The following PRKCH variants were observed in gnomAD, a reference collection of about 807,000 sequenced individuals.
The protein encoded by PRKCH is protein kinase C eta type.
PRKCH carries 28 observed loss-of-function variants against 82.5 expected under a neutral mutation model. The ratio of observed to expected loss-of-function variants is 0.34; its 90% CI spans 0.25 to 0.47. The LOEUF is 0.47. Ranked by LOEUF, PRKCH falls within the 20% of genes least tolerant of loss-of-function variation. The pLI is 1.00. For synonymous variants in PRKCH, 322 were observed against 327.4 expected, an observed-to-expected ratio of 0.98 and a Z score of 0.18; for missense variants, 705 against 881.8, an observed-to-expected ratio of 0.80 and a Z score of 2.54.
chr14:61,486,438 A>G (rs911863791), intron 10 of PRKCH, among the ~76,000 whole-genome samples: 1 of 152,186 alleles, frequency 6.6e-6, no homozygotes, highest in Non-Finnish European at 1.5e-5. Flanking sequence ...TCTTTTGATC[A>G]TAATATACCA....
At position 61,242,285 on chromosome 14, in the gene PRKCH, C is replaced by T. The variant is rs919922181; in HGVS notation, c.-19+54617C>T. The stretch of plus-strand genomic sequence containing the variant: ...TGGTCATACCTTAACTCAAAACTCT[C>T]CCCCAGTGACATCAGTTTGGAACAC... On this transcript the variant is annotated intron_variant, in intron 1 of 3. Transcript: ENST00000555185. 1.7e-4 allele frequency among the ~76,000 whole-genome samples: 26 copies of T among 152,266 alleles called. 1 individual carries two copies. Among genetic ancestry groups the T allele is most frequent in the African/African-American group, 6.0e-4 (25 of 41,542 alleles).
At chr14:61,226,131 G>A (rs767726259) in intron 1 of PRKCH, among the ~76,000 whole-genome samples, 4 of 152,124 alleles carry the variant, frequency 2.6e-5, no homozygotes, top group African/African-American at 9.7e-5. Flanking sequence ...AGTCTTAACC[G>A]TAGGCAAATC....
chr14:61,350,436 A>T (rs1341060536), intron 1 of PRKCH, among the ~76,000 whole-genome samples: 1 of 152,146 alleles, frequency 6.6e-6, no homozygotes, highest in Admixed American at 6.5e-5. Context: ...GAAAATAAGA[A>T]TTACTTTTCT....
At chr14:61,511,896 G>A (rs1346866400) in intron 10 of PRKCH, among the ~76,000 whole-genome samples, 1 of 152,166 alleles carries the variant, frequency 6.6e-6, no homozygotes, top group Non-Finnish European at 1.5e-5. Context: ...GTGTGGAAAG[G>A]CTGTAAAACT....
At chr14:61,528,705 C>T (rs2256474) in intron 10 of PRKCH, 152,935 of 155,580 alleles carry the variant, frequency 0.98, 75,220 homozygotes, top group East Asian at 1. Flanking sequence ...ATTCTGACTC[C>T]GATGGGTAGA....
intron 1 of PRKCH, among the ~76,000 whole-genome samples, chr14:61,239,997 C>T (rs2044822308): frequency 6.6e-6 from 1 of 152,136 alleles, no homozygotes; most frequent in Non-Finnish European, 1.5e-5. Flanking sequence ...TTTATGCATC[C>T]AGCAAACCAA....
intron 10 of PRKCH, among the ~76,000 whole-genome samples, chr14:61,503,800 A>AG (rs1255254344): frequency 1.3e-5 from 2 of 152,158 alleles, no homozygotes; most frequent in East Asian, 3.8e-4. Context: ...AAAAAGAAAG[A>AG]GGTAGAGTCG....
At chr14:61,200,531 C>G (rs572661258) in intron 1 of PRKCH, among the ~76,000 whole-genome samples, 2 of 152,290 alleles carry the variant, frequency 1.3e-5, no homozygotes, top group South Asian at 4.1e-4. Context: ...AGGATTCTAT[C>G]TCTTTCCATT....
chr14:61,319,387 CCTT>C (rs2045589331), upstream of PRKCH, among the ~76,000 whole-genome samples: 1 of 152,106 alleles, frequency 6.6e-6, no homozygotes, highest in African/African-American at 2.4e-5. Flanking sequence ...TGTTTTTCCT[CCTT>C]GTGGGACTGT....
At chr14:61,450,172 A>G (rs1884436721) in intron 5 of PRKCH, among the ~76,000 whole-genome samples, 1 of 152,188 alleles carries the variant, frequency 6.6e-6, no homozygotes, top group Admixed American at 6.5e-5. Flanking sequence ...AAGTTTCAAG[A>G]GGAGTAATGA....
intron 1 of PRKCH, among the ~76,000 whole-genome samples, chr14:61,210,226 A>C (rs892267854): frequency 1.4e-5 from 2 of 147,792 alleles, no homozygotes; most frequent in Non-Finnish European, 3.0e-5. Flanking sequence ...AGGCAGGAGA[A>C]CTGCTTGAAC....
intron 1 of PRKCH, among the ~76,000 whole-genome samples, chr14:61,190,429 T>A (rs2044399354): frequency 6.6e-6 from 1 of 152,206 alleles, no homozygotes; most frequent in African/African-American, 2.4e-5. Flanking sequence ...CCTCTACTCA[T>A]GCCCTATTTA....
intron 2 of PRKCH, among the ~76,000 whole-genome samples, chr14:61,437,598 G>C (rs1883737439): frequency 6.6e-6 from 1 of 152,110 alleles, no homozygotes; most frequent in Non-Finnish European, 1.5e-5. Context: ...GTTAGTTTCT[G>C]TTTCCTCACT....
chr14:61,510,157 G>T lies in PRKCH; in HGVS notation c.1434-18918G>T, dbSNP rs138375158. ...AGAGCCTGGGAAGGAGCAGGGCAGA[G>T]CTGGCAGCTGAGGTAGATGGGGGTG... On this transcript the variant is annotated intron_variant, in intron 10 of 13. Coordinates refer to ENST00000332981, the MANE Select transcript of PRKCH (RefSeq NM_006255.5). Among the ~76,000 whole-genome samples the T allele has an allele frequency of 1.2e-3, 184 of 152,284 alleles. 1 individual carries two copies. The highest frequency in any genetic ancestry group is 4.3e-3 in the African/African-American group (179 of 41,528).
At chr14:61,528,935 G>A (rs543073194) in intron 10 of PRKCH, 140 bp from the exon 11 acceptor site, 19 of 775,296 alleles carry the variant, frequency 2.5e-5, no homozygotes, top group East Asian at 6.1e-5. Flanking sequence ...TCCTTTTGAC[G>A]TGTGTACAGG....
At chr14:61,270,579 A>G (rs182173765) in intron 1 of PRKCH, among the ~76,000 whole-genome samples, 1 of 152,336 alleles carries the variant, frequency 6.6e-6, no homozygotes, top group Admixed American at 6.5e-5. Context: ...AAAATTATCC[A>G]AATTTCTTAA....
rs190989390 is a variant in PRKCH at position 61,189,506 on chromosome 14, C to T, written c.-19+1838C>T. On this transcript the variant is annotated intron_variant, in intron 1 of 3. Coordinates refer to the PRKCH transcript ENST00000555185. ...AACAGACTGCACTGAAATGTTATCT[C>T]TCTCTCTCTCTCTCTCCCCTTCCTC... Among the ~76,000 whole-genome samples, 5 of 151,544 alleles carry T rather than the reference C, an allele frequency of 3.3e-5. No homozygotes were observed. In the East Asian group the frequency reaches 9.7e-4, roughly 29 times the overall value.
chr14:61,521,837 AT>A (rs201279769), intron 10 of PRKCH, among the ~76,000 whole-genome samples: 3,404 of 152,240 alleles, frequency 0.022, 66 homozygotes, highest in Non-Finnish European at 0.032. Context: ...TCTAAGTATA[AT>A]TTGTCACTAG....
rs867153364 is a variant in PRKCH at position 61,187,890 on chromosome 14, A to C, written c.-19+222A>C. On this transcript the variant is annotated intron_variant, in intron 1 of 3. Coordinates refer to the PRKCH transcript ENST00000555185. ...TTATCTTTTCAGAGCCTTGGGCCCCACAGTGGTCTTTATCCTTCTCTGGCA... is the reference window on the plus strand; with the variant it reads ...TTATCTTTTCAGAGCCTTGGGCCCCCCAGTGGTCTTTATCCTTCTCTGGCA... Among the ~76,000 whole-genome samples, 4 of 152,194 alleles carry C rather than the reference A, an allele frequency of 2.6e-5. No homozygotes were observed. The South Asian group carries it at 8.3e-4, about 31-fold the overall frequency.
Sources: gnomAD v4.1 joint callset for allele counts (sites outside exome capture counted in the v4.1 genomes callset) on GRCh38, gnomAD v4.1.1 for gene constraint, MANE v1.5 for transcripts, NCBI Gene and HGNC (gene_info 2026-07-23, HGNC 2026-07-21) for gene names.